The following ESYT2 variants were observed in gnomAD, a reference collection of about 807,000 sequenced individuals.
ESYT2 encodes extended synaptotagmin 2, also known as extended synaptotagmin-2.
Under a neutral mutation model 107.2 loss-of-function variants are expected in ESYT2, and 54 were observed. That is an observed-to-expected ratio of 0.50 (90% CI 0.40 to 0.63). The LOEUF (loss-of-function observed/expected upper bound fraction) is 0.63, where lower values mean the gene tolerates loss of function less well. ESYT2 is among the 30% of genes least tolerant of loss of function. The pLI is 0.00. For missense variants in ESYT2, 1,020 were observed against 1,094.5 expected (o/e 0.93, Z 0.96); for synonymous variants, 491 against 434.1 (o/e 1.13, Z -1.63).
At chr7:158,742,429 AT>A (rs1279051880) in intron 17 of ESYT2, among the ~76,000 whole-genome samples, 2 of 152,164 alleles carry the variant, frequency 1.3e-5, no homozygotes, top group Non-Finnish European at 1.5e-5. Context: ...GTTTCCATGT[AT>A]TTCTACACAA....
At chr7:158,787,936 T>C in intron 6 of ESYT2, 68 bp downstream of exon 6, 1 of 1,300,798 alleles carries the variant, frequency 7.7e-7, no homozygotes, top group Non-Finnish European at 1.1e-6. Context: ...CCACTTTATA[T>C]ATTCTTCCAC....
intron 1 of ESYT2, among the ~76,000 whole-genome samples, chr7:158,814,291 A>T (rs868654546): frequency 0.16 from 587 of 3,772 alleles, 35 homozygotes; most frequent in East Asian, 0.4. Flanking sequence ...AAAAAATTAT[A>T]TATATATATA....
rs113675850 is a variant in ESYT2, at chr7:158,744,845, C to T, written c.1645-1167G>A. Among the ~76,000 whole-genome samples, 445 of 152,306 alleles carry T rather than the reference C, an allele frequency of 2.9e-3. 5 individuals are homozygous for T. The highest frequency in any genetic ancestry group is 0.01 in the African/African-American group (424 of 41,566). ...TCAGGAAAACCTAAAAGGTTGATTGCATATTTCTTTTCAAACTAAACTATA... is the reference window on the plus strand; with the variant it reads ...TCAGGAAAACCTAAAAGGTTGATTGTATATTTCTTTTCAAACTAAACTATA... On this transcript the variant is annotated intron_variant, in intron 16 of 22. Transcript: ENST00000275418.
chr7:158,737,156 T>A lies in ESYT2; in HGVS notation c.2291A>T (p.Asp764Val). 6.2e-7 allele frequency: 1 copy of A among 1,613,946 alleles called. No homozygotes were observed. The highest frequency in any genetic ancestry group is 8.5e-7 in the Non-Finnish European group (1 of 1,179,826). Residue 764 changes from aspartate to valine, a missense_variant, in exon 20 of 23, where the codon GAC (aspartate) becomes GTC (valine). Asp to Val is a radical substitution (Grantham distance 152). Coordinates refer to ENST00000275418, the MANE Select transcript of ESYT2 (RefSeq NM_001367773.1). ...CATGCGGACATAGGGGTCAGAGCCG[T>A]CTTCAGAGAAGGCAATGAGGTTTCT... Reference protein sequence around the residue: ...ACRNLIAFSEDGSDPYVRMYL... With the variant: ...ACRNLIAFSEVGSDPYVRMYL...
At position 158,731,746 on chromosome 7, in the gene ESYT2, G is replaced by C. The variant is rs1185542064; in HGVS notation, c.*2461C>G. ...AATTAATTTTCCCTTCATTGGCTTG[G>C]CTCAAGGTAGAAAAGTTAAAATTCC... On this transcript the variant is annotated 3_prime_UTR_variant, in exon 23 of 23. Transcript: ENST00000275418. 1.3e-5 allele frequency: 2 copies of C among 152,622 alleles called. No individual in the cohort carries two copies. Among genetic ancestry groups the C allele is most frequent in the African/African-American group, 4.8e-5 (2 of 41,440 alleles). 9.5% of individuals were successfully genotyped at this position (152,622 alleles called of 1,614,324 possible). A position where few individuals can be genotyped will look rare whatever the true frequency, so the allele number is the denominator to read the frequency against.
At chr7:158,749,627 G>C in intron 15 of ESYT2, 22 bp downstream of exon 15, 1 of 1,613,136 alleles carries the variant, frequency 6.2e-7, no homozygotes, top group South Asian at 1.1e-5. Context: ...CACCAAGGCT[G>C]AGTCCAGGGC....
At chr7:158,824,666 C>T (rs188211038) in intron 1 of ESYT2, among the ~76,000 whole-genome samples, 7 of 152,196 alleles carry the variant, frequency 4.6e-5, no homozygotes, top group African/African-American at 1.7e-4. Flanking sequence ...AATAAAAGAC[C>T]AACTGTCAGA....
chr7:158,750,367 T>C (rs1014588707), intron 14 of ESYT2, among the ~76,000 whole-genome samples: 7 of 152,136 alleles, frequency 4.6e-5, no homozygotes, highest in African/African-American at 1.7e-4. Flanking sequence ...AGATAGTTGA[T>C]AGGAGAAAAT....
chr7:158,794,858 C>T (rs767641423), intron 3 of ESYT2, among the ~76,000 whole-genome samples: 3 of 152,194 alleles, frequency 2.0e-5, no homozygotes, highest in East Asian at 3.8e-4. Context: ...CACCTCTCAA[C>T]GAGCTGTCAA....
rs61747457 is a variant in ESYT2, at chr7:158,739,061, C to A, written c.2229G>T (p.Ser743=). ...GQIQLTIRHS[S]QRNKLIVVVH... ...CGACCACGATAAGCTTGTTTCTCTG[C>A]GAGCTGTGCCGGATGGTCAGCTGGA... The change falls in exon 19 of 23, where the codon TCG becomes TCT. Residue 743 remains serine (S), a synonymous_variant. Coordinates refer to ENST00000275418, the MANE Select transcript of ESYT2 (RefSeq NM_001367773.1). 3.1e-6 allele frequency: 5 copies of A among 1,613,980 alleles called. No individual in the cohort carries two copies. The African/African-American group carries it at 4.0e-5, about 13-fold the overall frequency.
At chr7:158,817,891 T>A (rs547274717) in intron 1 of ESYT2, among the ~76,000 whole-genome samples, 73 of 152,338 alleles carry the variant, frequency 4.8e-4, no homozygotes, top group African/African-American at 1.8e-3. Context: ...GTGAGCAGCA[T>A]AATCAAAAAC....
At chr7:158,788,128 A>G (rs1157881584) in intron 5 of ESYT2, 35 bp from the exon 6 acceptor site, 1 of 1,565,494 alleles carries the variant, frequency 6.4e-7, no homozygotes, top group Non-Finnish European at 8.8e-7. Context: ...TATGTAATAG[A>G]AAACATTCTG....
chr7:158,764,948 G>C lies in ESYT2; in HGVS notation c.925-95C>G, dbSNP rs999085464. 5.6e-6 allele frequency: 7 copies of C among 1,243,200 alleles called. No homozygotes were observed. In the East Asian group the frequency reaches 9.4e-5, roughly 17 times the overall value. The allele number at this position is 1,243,200 out of a possible 1,614,324, so 77.0% of individuals were successfully genotyped here. On this transcript the variant is annotated intron_variant, in intron 8 of 22. Coordinates refer to ENST00000275418, the MANE Select transcript of ESYT2 (RefSeq NM_001367773.1). ...GCACCTAACCCCGTCTCGAGAATTG[G>C]GAGTGCCGAGGGAATAAAGACCCTC...
chr7:158,735,188 G>T (rs1262224495), intron 21 of ESYT2, among the ~76,000 whole-genome samples: 3 of 152,172 alleles, frequency 2.0e-5, no homozygotes, highest in African/African-American at 7.2e-5. Context: ...TACGGACAAA[G>T]AGTAGAAGAA....
intron 6 of ESYT2, among the ~76,000 whole-genome samples, chr7:158,783,124 A>G (rs1390420824): frequency 1.3e-5 from 2 of 152,182 alleles, no homozygotes; most frequent in Non-Finnish European, 1.5e-5. Flanking sequence ...AGGCATTTCC[A>G]AAGGACAGGA....
chr7:158,763,995 C>T (rs1267824119), intron 9 of ESYT2, among the ~76,000 whole-genome samples: 1 of 152,164 alleles, frequency 6.6e-6, no homozygotes, highest in Non-Finnish European at 1.5e-5. Context: ...GGTAATTCTA[C>T]ACATACGTCA....
intron 13 of ESYT2, among the ~76,000 whole-genome samples, chr7:158,755,731 C>T (rs1254471198): frequency 2.0e-5 from 3 of 152,196 alleles, no homozygotes; most frequent in Non-Finnish European, 4.4e-5. Flanking sequence ...CACTTACTAT[C>T]GCTGTGACTC....
chr7:158,764,482 T>C (rs569335599), intron 9 of ESYT2, among the ~76,000 whole-genome samples, 195 bp downstream of exon 9: 45 of 152,336 alleles, frequency 3.0e-4, no homozygotes, highest in South Asian at 2.5e-3. Context: ...ACATTACTTG[T>C]TGGCATGACA....
chr7:158,798,895 T>C (rs1284948073), intron 2 of ESYT2, 136 bp downstream of exon 2: 1 of 726,272 alleles, frequency 1.4e-6, no homozygotes, highest in East Asian at 2.5e-5. Context: ...ACTGAGGTCT[T>C]TGGGGACCAG....
Sources: gnomAD v4.1 joint callset for allele counts (sites outside exome capture counted in the v4.1 genomes callset) on GRCh38, gnomAD v4.1.1 for gene constraint, MANE v1.5 for transcripts, NCBI Gene and HGNC (gene_info 2026-07-23, HGNC 2026-07-21) for gene names.